Variants in PDE4D observed in about 807,000 individuals in gnomAD.
PDE4D encodes 3',5'-cyclic-AMP phosphodiesterase 4D.
Under a neutral mutation model 87.4 loss-of-function variants are expected in PDE4D, and 24 were observed. The observed-to-expected ratio is 0.27, with a 90% CI of 0.20 to 0.39. The LOEUF (loss-of-function observed/expected upper bound fraction) is 0.39, where lower values mean the gene tolerates loss of function less well. Among genes scored for constraint, PDE4D ranks in the 10% least tolerant of loss-of-function variants. The pLI is 1.00. For synonymous variants in PDE4D, 384 were observed against 383.2 expected, an observed-to-expected ratio of 1.00 and a Z score of -0.02; for missense variants, 714 against 1,041.0, an observed-to-expected ratio of 0.69 and a Z score of 4.32.
At chr5:59,638,938 A>G (rs1741070432) in intron 1 of PDE4D, among the ~76,000 whole-genome samples, 1 of 152,166 alleles carries the variant, frequency 6.6e-6, no homozygotes, top group Non-Finnish European at 1.5e-5. Flanking sequence ...GTTTCTTGCC[A>G]GAAGCACTAT....
At chr5:59,592,945 A>G (rs1315616206) in intron 1 of PDE4D, among the ~76,000 whole-genome samples, 1 of 151,964 alleles carries the variant, frequency 6.6e-6, no homozygotes, top group African/African-American at 2.4e-5. Flanking sequence ...AAGTAATACA[A>G]ACACTTAGAT....
intron 1 of PDE4D, among the ~76,000 whole-genome samples, chr5:60,284,046 G>T (rs1433603049): frequency 6.6e-6 from 1 of 152,136 alleles, no homozygotes; most frequent in African/African-American, 2.4e-5. Context: ...GATGAGACAA[G>T]ATCCAACTAA....
At chr5:59,958,646 TTCATGATAAAAACCC>T (rs1759127434) in intron 3 of PDE4D, among the ~76,000 whole-genome samples, 2 of 152,104 alleles carry the variant, frequency 1.3e-5, no homozygotes, top group African/African-American at 4.8e-5. Flanking sequence ...CCAACATCCC[TTCATGATAAAAACCC>T]TCAGCAAACT....
intron 1 of PDE4D, among the ~76,000 whole-genome samples, chr5:60,337,416 T>C (rs1757911162): frequency 7.7e-6 from 1 of 129,996 alleles, no homozygotes; most frequent in Non-Finnish European, 1.6e-5. Flanking sequence ...CATATATCAA[T>C]TCATAGATCA....
upstream of PDE4D, among the ~76,000 whole-genome samples, chr5:59,895,411 A>C: frequency 6.6e-6 from 1 of 152,208 alleles, no homozygotes; most frequent in Non-Finnish European, 1.5e-5. Flanking sequence ...AAATCTGAGA[A>C]AGGTTGTGTC....
chr5:59,327,132 T>TACACACAC (rs3061651), intron 1 of PDE4D, among the ~76,000 whole-genome samples: 4,553 of 141,746 alleles, frequency 0.032, 86 homozygotes, highest in Middle Eastern at 0.11. Context: ...GAAACAGAAA[T>TACACACAC]ACACACACAC....
At chr5:59,350,704 A>G (rs1203001061) in intron 1 of PDE4D, among the ~76,000 whole-genome samples, 1 of 152,188 alleles carries the variant, frequency 6.6e-6, no homozygotes, top group Non-Finnish European at 1.5e-5. Context: ...ATAATAGCTG[A>G]CATTTATTTT....
At chr5:59,220,603 C>G (rs555610614) in intron 1 of PDE4D, among the ~76,000 whole-genome samples, 2 of 152,102 alleles carry the variant, frequency 1.3e-5, no homozygotes, top group African/African-American at 4.8e-5. Flanking sequence ...GAATTAGACA[C>G]TTACTTAACT....
chr5:59,406,922 T>C (rs775151043), intron 1 of PDE4D, among the ~76,000 whole-genome samples: 1 of 152,206 alleles, frequency 6.6e-6, no homozygotes, highest in Non-Finnish European at 1.5e-5. Flanking sequence ...TTGTTTGCAT[T>C]AGGCTTTTTG....
chr5:60,188,876 T>G (rs540349518), intron 1 of PDE4D, among the ~76,000 whole-genome samples: 1 of 152,310 alleles, frequency 6.6e-6, no homozygotes, highest in South Asian at 2.1e-4. Flanking sequence ...AGTGCTTTGC[T>G]GCCAATAGCA....
At chr5:59,591,354 G>C (rs182948017) in intron 1 of PDE4D, among the ~76,000 whole-genome samples, 62 of 152,188 alleles carry the variant, frequency 4.1e-4, no homozygotes, top group Admixed American at 1.6e-3. Flanking sequence ...GTATAATAAA[G>C]TCACACCCTA....
intron 1 of PDE4D, among the ~76,000 whole-genome samples, chr5:59,472,878 G>A (rs1473343847): frequency 1.3e-5 from 2 of 152,044 alleles, no homozygotes; most frequent in Non-Finnish European, 2.9e-5. Context: ...TCTCAACATA[G>A]GAGGAAAGTA....
intron 1 of PDE4D, among the ~76,000 whole-genome samples, chr5:60,433,239 AAAAC>A (rs1708200495): frequency 6.6e-6 from 1 of 152,210 alleles, no homozygotes; most frequent in African/African-American, 2.4e-5. Context: ...GACAAGCAAA[AAAAC>A]AAACAAGCCC....
intron 1 of PDE4D, among the ~76,000 whole-genome samples, chr5:60,456,219 G>A (rs1746456673): frequency 6.6e-6 from 1 of 152,166 alleles, no homozygotes; most frequent in Non-Finnish European, 1.5e-5. Context: ...TGGTTTAGAA[G>A]AGGGAATGGG....
intron 5 of PDE4D, among the ~76,000 whole-genome samples, chr5:59,176,298 A>C (rs1459359892): frequency 6.6e-6 from 1 of 152,182 alleles, no homozygotes; most frequent in African/African-American, 2.4e-5. Context: ...CATGCCTGTA[A>C]TCCCAGCATT....
rs572007345 is a variant in PDE4D at position 58,977,784 on chromosome 5, A to G, written c.1553-439T>C. Among the ~76,000 whole-genome samples, 3 of 152,306 alleles carry G rather than the reference A, an allele frequency of 2.0e-5. No homozygotes were observed. The South Asian group carries it at 6.2e-4, about 32-fold the overall frequency. ...TGTGTTACAGGATTGTTTGTACTCA[A>G]AGAGGGTACAAGAACAATAAGGAAT... On this transcript the variant is annotated intron_variant, in intron 11 of 14. Transcript: ENST00000340635.
At chr5:60,491,801 C>T (rs1749547178), upstream of PDE4D, among the ~76,000 whole-genome samples, 1 of 151,790 alleles carries the variant, frequency 6.6e-6, no homozygotes, top group African/African-American at 2.4e-5. Flanking sequence ...GGTTCACATC[C>T]CAGCTCTGAC....
chr5:59,527,412 AT>A (rs1489142555), intron 1 of PDE4D, among the ~76,000 whole-genome samples: 1 of 152,222 alleles, frequency 6.6e-6, no homozygotes, highest in East Asian at 1.9e-4. Context: ...AGAACAGTAT[AT>A]TACAGCAGGC....
chr5:60,518,467 T>C (rs1210687288), intron 1 of PDE4D, among the ~76,000 whole-genome samples: 1 of 152,136 alleles, frequency 6.6e-6, no homozygotes, highest in Non-Finnish European at 1.5e-5. Flanking sequence ...CAGCTAAAAA[T>C]TGTAGGAAAT....
Sources: gnomAD v4.1 joint callset for allele counts (sites outside exome capture counted in the v4.1 genomes callset) on GRCh38, gnomAD v4.1.1 for gene constraint, MANE v1.5 for transcripts, NCBI Gene and HGNC (gene_info 2026-07-23, HGNC 2026-07-21) for gene names.